AKAP19: variants seen among roughly 807,000 people sequenced by gnomAD.
AKAP19 encodes small A-kinase anchoring protein.
the AKAP19 span, among the ~76,000 whole-genome samples, chr2:189,973,416 G>C: frequency 6.6e-6 from 1 of 152,178 alleles, no homozygotes; most frequent in Non-Finnish European, 1.5e-5. Context: ...TTGCATCTAT[G>C]TTCATCAGGG....
At chr2:189,908,630 A>G in the AKAP19 span, among the ~76,000 whole-genome samples, 2 of 152,190 alleles carry the variant, frequency 1.3e-5, no homozygotes, top group African/African-American at 2.4e-5. Flanking sequence ...GTTCAGGAGC[A>G]TGTAATTTAA....
At chr2:190,002,170 C>T in the AKAP19 span, among the ~76,000 whole-genome samples, 3 of 152,198 alleles carry the variant, frequency 2.0e-5, no homozygotes, top group Non-Finnish European at 4.4e-5. Context: ...AGCAATATTT[C>T]ATATATAAAT....
At chr2:189,998,202 T>A in the AKAP19 span, among the ~76,000 whole-genome samples, 1 of 152,214 alleles carries the variant, frequency 6.6e-6, no homozygotes, top group African/African-American at 2.4e-5. Context: ...GTGAATTCTC[T>A]CAGTTTTCCT....
chr2:190,108,467 A>G, the AKAP19 span, among the ~76,000 whole-genome samples: 6 of 152,166 alleles, frequency 3.9e-5, no homozygotes, highest in Non-Finnish European at 7.4e-5. Context: ...AAAATTTCTT[A>G]TAAATGTTTG....
chr2:190,194,385 AT>A, the AKAP19 span, among the ~76,000 whole-genome samples: 1 of 151,578 alleles, frequency 6.6e-6, no homozygotes, highest in Non-Finnish European at 1.5e-5. Context: ...TAGTGGGTGT[AT>A]TTTTTAAAAA....
chr2:190,049,131 A>C, the AKAP19 span, among the ~76,000 whole-genome samples: 1 of 152,146 alleles, frequency 6.6e-6, no homozygotes. Flanking sequence ...GAGAAATAGA[A>C]ATCTTGGAAT....
chr2:189,950,028 G>GGTT, the AKAP19 span, among the ~76,000 whole-genome samples: 8 of 113,966 alleles, frequency 7.0e-5, no homozygotes, highest in South Asian at 2.0e-3. Flanking sequence ...TTGGTTTTGG[G>GGTT]TTTTTTTTTT....
At chr2:189,915,493 G>A in the AKAP19 span, among the ~76,000 whole-genome samples, 1 of 152,076 alleles carries the variant, frequency 6.6e-6, no homozygotes, top group African/African-American at 2.4e-5. Flanking sequence ...CTGGGACCTA[G>A]AGATATTAAG....
At chr2:190,111,246 C>T in the AKAP19 span, among the ~76,000 whole-genome samples, 10 of 152,130 alleles carry the variant, frequency 6.6e-5, no homozygotes, top group Admixed American at 2.6e-4. Flanking sequence ...ACTTTGAAAA[C>T]AAAACAAAAC....
chr2:189,990,983 A>G, the AKAP19 span, among the ~76,000 whole-genome samples: 1 of 152,196 alleles, frequency 6.6e-6, no homozygotes. Context: ...ACTTAGAATA[A>G]TGGTCTCCAA....
chr2:190,171,971 C>G, the AKAP19 span, among the ~76,000 whole-genome samples: 2 of 152,132 alleles, frequency 1.3e-5, no homozygotes, highest in Non-Finnish European at 2.9e-5. Flanking sequence ...ACAATTTTTA[C>G]ATCATTTTTA....
chr2:190,009,138 G>A, the AKAP19 span, among the ~76,000 whole-genome samples: 1 of 152,164 alleles, frequency 6.6e-6, no homozygotes, highest in Admixed American at 6.5e-5. Flanking sequence ...AGCACAGCAG[G>A]AATAGTCAGG....
the AKAP19 span, among the ~76,000 whole-genome samples, chr2:190,140,243 G>T: frequency 2.6e-5 from 4 of 152,132 alleles, no homozygotes; most frequent in African/African-American, 9.7e-5. Context: ...GGCTGCTGTT[G>T]GGTGTCTGTG....
the AKAP19 span, among the ~76,000 whole-genome samples, chr2:190,189,119 G>T: frequency 1.3e-5 from 2 of 152,158 alleles, no homozygotes; most frequent in African/African-American, 4.8e-5. Flanking sequence ...GGGCCATCAC[G>T]TTCTTGCTGA....
chr2:189,986,333 G>C, the AKAP19 span, among the ~76,000 whole-genome samples: 1 of 148,476 alleles, frequency 6.7e-6, no homozygotes, highest in Non-Finnish European at 1.5e-5. Flanking sequence ...GAACAATTTT[G>C]ACTATACAAA....
chr2:190,196,121 G>A, the AKAP19 span, among the ~76,000 whole-genome samples: 5 of 151,480 alleles, frequency 3.3e-5, no homozygotes, highest in African/African-American at 1.2e-4. Context: ...TTCATATGTT[G>A]GTTTTCTAAT....
chr2:190,115,322 T>C, the AKAP19 span, among the ~76,000 whole-genome samples: 1 of 39,960 alleles, frequency 2.5e-5, no homozygotes, highest in African/African-American at 9.9e-5. Flanking sequence ...TTTTTTTTTT[T>C]TTTTTTTTTT....
chr2:190,050,692 T>A, the AKAP19 span, among the ~76,000 whole-genome samples: 1 of 152,170 alleles, frequency 6.6e-6, no homozygotes, highest in Non-Finnish European at 1.5e-5. Context: ...AGGTATCAAA[T>A]ACAAAGAAAT....
the AKAP19 span, among the ~76,000 whole-genome samples, chr2:190,197,267 TTCC>T: frequency 1.3e-5 from 2 of 152,168 alleles, no homozygotes; most frequent in African/African-American, 4.8e-5. The surrounding 1 kb of genome is among the most constrained non-coding windows in gnomAD (Gnocchi z 4.0). Context: ...ATACTACTGA[TTCC>T]TAAGGTGTCG....
Sources: gnomAD v4.1 joint callset for allele counts (sites outside exome capture counted in the v4.1 genomes callset) on GRCh38, gnomAD v4.1.1 for gene constraint, Gnocchi (gnomAD v3.1) non-coding constraint, MANE v1.5 for transcripts, NCBI Gene and HGNC (gene_info 2026-07-23, HGNC 2026-07-21) for gene names.